KAZN: variants seen among roughly 807,000 people sequenced by gnomAD.
The protein encoded by KAZN is kazrin.
A neutral mutation model predicts 87.4 loss-of-function variants in KAZN; 40 were observed. The ratio of observed to expected loss-of-function variants is 0.46; its 90% CI spans 0.36 to 0.60. The LOEUF (loss-of-function observed/expected upper bound fraction) is 0.60, where lower values mean the gene tolerates loss of function less well. Among genes scored for constraint, KAZN ranks in the 20% least tolerant of loss-of-function variants. The pLI, the probability that KAZN is intolerant of heterozygous loss-of-function variation, is 0.00. For synonymous variants in KAZN, 466 were observed against 458.3 expected (o/e 1.02, Z -0.22); for missense variants, 898 against 1,073.9 (o/e 0.84, Z 2.29).
chr1:14,080,536 A>C (rs1286728924), intron 1 of KAZN, among the ~76,000 whole-genome samples: 1 of 152,222 alleles, frequency 6.6e-6, no homozygotes, highest in Non-Finnish European at 1.5e-5. Flanking sequence ...CTTCAGCTCA[A>C]AGACAATTTT....
intron 1 of KAZN, among the ~76,000 whole-genome samples, chr1:14,889,328 A>G (rs1654454830): frequency 6.6e-6 from 1 of 152,268 alleles, no homozygotes. Context: ...TAAGAGAACA[A>G]AAAGACCTAG....
At chr1:14,133,377 A>AAAAGAAAGAAAGAAAG (rs149462642) in intron 1 of KAZN, among the ~76,000 whole-genome samples, 59 of 72,042 alleles carry the variant, frequency 8.2e-4, no homozygotes, top group Non-Finnish European at 1.1e-3. Flanking sequence ...AAAAAAAAAA[A>AAAAGAAAGAAAGAAAG]AAAGAAAGAA....
At chr1:13,926,670 C>A (rs1640291528) in intron 1 of KAZN, among the ~76,000 whole-genome samples, 1 of 150,666 alleles carries the variant, frequency 6.6e-6, no homozygotes, top group East Asian at 2.0e-4. Context: ...AAAAAAAAAT[C>A]TCCTGGGAAC....
At chr1:15,049,484 A>G (rs1435954939) in intron 4 of KAZN, among the ~76,000 whole-genome samples, 1 of 150,558 alleles carries the variant, frequency 6.6e-6, no homozygotes, top group Non-Finnish European at 1.5e-5. Context: ...CCTCCACCCC[A>G]GCCCCCCAGT....
At chr1:14,798,112 T>C (rs1645886726) in intron 1 of KAZN, among the ~76,000 whole-genome samples, 1 of 152,182 alleles carries the variant, frequency 6.6e-6, no homozygotes. Context: ...AACTCACGCA[T>C]GACACCTCTG....
chr1:14,550,567 A>G (rs1673435217), intron 2 of KAZN, among the ~76,000 whole-genome samples: 1 of 152,132 alleles, frequency 6.6e-6, no homozygotes, highest in Non-Finnish European at 1.5e-5. Flanking sequence ...CAGAGCCAAC[A>G]GTGGGCACAA....
At chr1:14,906,914 G>C (rs72871813) in intron 1 of KAZN, among the ~76,000 whole-genome samples, 2,678 of 151,852 alleles carry the variant, frequency 0.018, 71 homozygotes, top group African/African-American at 0.061. Context: ...GCTGAGATGA[G>C]TACAAAGAAG....
intron 6 of KAZN, chr1:15,063,080 C>T (rs1008072996): frequency 1.8e-5 from 3 of 164,416 alleles, no homozygotes; most frequent in East Asian, 3.3e-4. Context: ...ATAGGGCTAA[C>T]GAGTCCTGCC....
At chr1:14,605,247 G>A (rs1327188708) in intron 1 of KAZN, among the ~76,000 whole-genome samples, 1 of 152,040 alleles carries the variant, frequency 6.6e-6, no homozygotes, top group Non-Finnish European at 1.5e-5. Flanking sequence ...TCATTGCTTT[G>A]GTCAAACTTT....
chr1:14,259,918 T>G (rs1186969138), intron 2 of KAZN, among the ~76,000 whole-genome samples: 1 of 152,214 alleles, frequency 6.6e-6, no homozygotes, highest in Non-Finnish European at 1.5e-5. Context: ...AACATATAAA[T>G]GGGCTGTTAC....
intron 1 of KAZN, among the ~76,000 whole-genome samples, chr1:14,165,627 G>A (rs1054673257): frequency 6.6e-6 from 1 of 152,166 alleles, no homozygotes; most frequent in African/African-American, 2.4e-5. Context: ...GCTGTTCAGG[G>A]TGGTTTCTCC....
rs527907143 is a variant in KAZN at position 14,410,828 on chromosome 1, G to C, written c.250-188155G>C. Among the ~76,000 whole-genome samples the C allele has an allele frequency of 2.2e-3, 341 of 152,310 alleles. 1 individual carries two copies. Among genetic ancestry groups the C allele is most frequent in the African/African-American group, 7.8e-3 (323 of 41,568 alleles). ...TGCCAGCGGCCACCAGAACCCGAAAGAGGCCAGGCATGGATTCTCCTCCAG... is the reference window on the plus strand; with the variant it reads ...TGCCAGCGGCCACCAGAACCCGAAACAGGCCAGGCATGGATTCTCCTCCAG... On this transcript the variant is annotated intron_variant, in intron 2 of 16. Transcript: ENST00000636203.
chr1:14,280,518 G>C (rs1652771437), intron 2 of KAZN, among the ~76,000 whole-genome samples: 1 of 152,006 alleles, frequency 6.6e-6, no homozygotes, highest in Non-Finnish European at 1.5e-5. Context: ...AGAGATCAGG[G>C]TGATACATCT....
chr1:14,042,506 A>G (rs953802747), intron 1 of KAZN, among the ~76,000 whole-genome samples: 7 of 152,146 alleles, frequency 4.6e-5, no homozygotes, highest in African/African-American at 1.7e-4. Flanking sequence ...TTGCTTTTCC[A>G]TATTGTCTCC....
intron 2 of KAZN, among the ~76,000 whole-genome samples, chr1:14,532,310 G>GCTTA (rs1434100737): frequency 6.6e-6 from 1 of 152,034 alleles, no homozygotes; most frequent in Non-Finnish European, 1.5e-5. Flanking sequence ...CACTCGTGAT[G>GCTTA]CTTAAGTCCT....
intron 2 of KAZN, among the ~76,000 whole-genome samples, chr1:14,232,699 C>G (rs1647980986): frequency 6.6e-6 from 1 of 152,186 alleles, no homozygotes; most frequent in South Asian, 2.1e-4. Context: ...TTGTGTATGT[C>G]TGCTAGATTG....
intron 8 of KAZN, among the ~76,000 whole-genome samples, chr1:15,093,509 G>C (rs566765964): frequency 2.0e-4 from 30 of 152,156 alleles, no homozygotes; most frequent in Middle Eastern, 3.4e-3. Context: ...AGAGGGGGGC[G>C]GGGGAAAATA....
At chr1:15,003,936 A>G (rs894554899) in intron 2 of KAZN, among the ~76,000 whole-genome samples, 1 of 152,152 alleles carries the variant, frequency 6.6e-6, no homozygotes, top group African/African-American at 2.4e-5. Context: ...TGCAGGCTGC[A>G]TAGGTCCTGG....
intron 1 of KAZN, among the ~76,000 whole-genome samples, chr1:14,759,727 TG>T (rs1363260898): frequency 6.6e-6 from 1 of 152,158 alleles, no homozygotes; most frequent in South Asian, 2.1e-4. Context: ...AGACGGGGAT[TG>T]GGATCCCAAC....
Sources: allele counts gnomAD v4.1 joint callset (sites outside exome capture counted in the v4.1 genomes callset), GRCh38; gene constraint gnomAD v4.1.1; transcripts MANE v1.5; gene names NCBI Gene and HGNC (gene_info 2026-07-23, HGNC 2026-07-21).